Variants in DTWD2 observed in about 807,000 individuals in gnomAD.
The protein encoded by DTWD2 is tRNA-uridine aminocarboxypropyltransferase 2.
Under a neutral mutation model 31.8 loss-of-function variants are expected in DTWD2, and 39 were observed. The observed-to-expected ratio is 1.22, with a 90% CI of 0.95 to 1.60. DTWD2 has a LOEUF of 1.60. DTWD2 is among the 40% of genes most tolerant of loss of function. DTWD2 has a pLI of 0.00. For missense variants in DTWD2, 515 were observed against 381.5 expected, an observed-to-expected ratio of 1.35 and a Z score of -2.92; for synonymous variants, 180 against 142.8, an observed-to-expected ratio of 1.26 and a Z score of -1.86.
chr5:118,893,025 T>A (rs555710099), intron 4 of DTWD2, among the ~76,000 whole-genome samples: 61 of 150,524 alleles, frequency 4.1e-4, no homozygotes, highest in Middle Eastern at 3.4e-3. Flanking sequence ...AAGTTAAAAA[T>A]ATATATATAT....
At chr5:118,941,014 T>C (rs966824222) in intron 2 of DTWD2, among the ~76,000 whole-genome samples, 12 of 152,304 alleles carry the variant, frequency 7.9e-5, no homozygotes, top group East Asian at 1.9e-4. Flanking sequence ...TAATTTTACA[T>C]GTATGTATAC....
intron 4 of DTWD2, among the ~76,000 whole-genome samples, chr5:118,885,795 T>A (rs1752850719): frequency 6.6e-6 from 1 of 150,714 alleles, no homozygotes; most frequent in Non-Finnish European, 1.5e-5. Context: ...TAATAAAAAA[T>A]AAATATAAAA....
intron 1 of DTWD2, among the ~76,000 whole-genome samples, chr5:118,947,780 G>A (rs1301879739): frequency 2.0e-5 from 3 of 152,068 alleles, no homozygotes; most frequent in Admixed American, 2.0e-4. Flanking sequence ...GGGATTACAG[G>A]CATGAGCCAC....
chr5:118,957,870 T>C (rs1754621732), intron 1 of DTWD2, among the ~76,000 whole-genome samples: 1 of 152,242 alleles, frequency 6.6e-6, no homozygotes, highest in Non-Finnish European at 1.5e-5. Context: ...CTATCATTAC[T>C]GACCAAAACA....
At chr5:118,906,619 T>C (rs1753338384) in intron 4 of DTWD2, among the ~76,000 whole-genome samples, 1 of 152,206 alleles carries the variant, frequency 6.6e-6, no homozygotes, top group Non-Finnish European at 1.5e-5. Flanking sequence ...ATTATATTTA[T>C]ATAAAATTCC....
intron 4 of DTWD2, among the ~76,000 whole-genome samples, chr5:118,855,877 C>A (rs1287539497): frequency 6.6e-6 from 1 of 152,060 alleles, no homozygotes; most frequent in Non-Finnish European, 1.5e-5. Context: ...AAGGTATTTA[C>A]TTTTACAACA....
At chr5:118,882,175 G>T (rs1752756392) in intron 4 of DTWD2, among the ~76,000 whole-genome samples, 1 of 152,146 alleles carries the variant, frequency 6.6e-6, no homozygotes, top group South Asian at 2.1e-4. Context: ...GGGACCACAG[G>T]CCGCATGCAA....
chr5:118,925,931 T>C (rs1297944638), intron 4 of DTWD2, among the ~76,000 whole-genome samples: 2 of 151,884 alleles, frequency 1.3e-5, no homozygotes, highest in Admixed American at 6.6e-5. Flanking sequence ...TAAGTCATTA[T>C]ATGAAAAAAA....
chr5:118,927,667 G>GT (rs1753839430), intron 4 of DTWD2, among the ~76,000 whole-genome samples: 2 of 152,140 alleles, frequency 1.3e-5, no homozygotes, highest in South Asian at 4.1e-4. Context: ...AAATATAAAA[G>GT]TTATTAAAAA....
intron 4 of DTWD2, among the ~76,000 whole-genome samples, chr5:118,849,638 A>G (rs966952655): frequency 6.6e-6 from 1 of 152,234 alleles, no homozygotes; most frequent in Non-Finnish European, 1.5e-5. Context: ...AATGCCTATC[A>G]ATGACAGACT....
intron 1 of DTWD2, among the ~76,000 whole-genome samples, chr5:118,969,465 G>T (rs1456722821): frequency 6.6e-6 from 1 of 152,180 alleles, no homozygotes; most frequent in Non-Finnish European, 1.5e-5. Flanking sequence ...ACAAAGCTCC[G>T]AGAAGAAAGA....
Position 118,848,193 on chromosome 5 carries a change from C to T in DTWD2, c.623G>A (p.Ser208Asn). Residue 208 changes from serine to asparagine, a missense_variant, in exon 5 of 6, where the codon AGT becomes AAT. Coordinates refer to ENST00000510708, the MANE Select transcript of DTWD2 (RefSeq NM_173666.4). ...KQVQLKTSIS[S>N]QYVIRMQPTN... ...CGGCTGCATCCGAATTACATACTGACTAGAAATGCTAGTTTTTAATTGCAC... is the reference window on the plus strand; with the variant it reads ...CGGCTGCATCCGAATTACATACTGATTAGAAATGCTAGTTTTTAATTGCAC... 6.2e-7 allele frequency: 1 copy of T among 1,601,066 alleles called. No individual in the cohort carries two copies. Among genetic ancestry groups the T allele is most frequent in the Non-Finnish European group, 8.5e-7 (1 of 1,174,880 alleles).
intron 4 of DTWD2, among the ~76,000 whole-genome samples, chr5:118,916,441 G>A (rs1157444356): frequency 1.3e-5 from 2 of 152,106 alleles, no homozygotes; most frequent in Non-Finnish European, 2.9e-5. Context: ...CAAGGTGGGT[G>A]GATCACCTGA....
At chr5:118,979,365 G>C (rs1755240818) in intron 1 of DTWD2, among the ~76,000 whole-genome samples, 1 of 152,036 alleles carries the variant, frequency 6.6e-6, no homozygotes, top group African/African-American at 2.4e-5. Flanking sequence ...ACAGATGCTG[G>C]TGAGGTTGTG....
rs1294317711 is a variant in DTWD2, at chr5:118,837,363, C to A, written c.*3554G>T. The A allele has an allele frequency of 6.6e-6, 1 of 152,242 alleles. No individual in the cohort carries two copies. Among genetic ancestry groups the A allele is most frequent in the East Asian group, 1.9e-4 (1 of 5,184 alleles). The allele number at this position is 152,242 out of a possible 1,614,324, so 9.4% of individuals were successfully genotyped here. A position where few individuals can be genotyped will look rare whatever the true frequency, so the allele number is the denominator to read the frequency against. ...TTATTCATAAAAATATCCATCCATA[C>A]CTATTTTAAAGAAATACATCTACAT... On this transcript the variant is annotated 3_prime_UTR_variant, in exon 6 of 6. Transcript: ENST00000510708.
At chr5:118,850,887 T>C (rs924418262) in intron 4 of DTWD2, among the ~76,000 whole-genome samples, 3 of 152,078 alleles carry the variant, frequency 2.0e-5, no homozygotes, top group African/African-American at 7.2e-5. Context: ...AAAGAGGACA[T>C]ACATGTGGCC....
At chr5:118,902,600 T>G (rs574667874) in intron 4 of DTWD2, among the ~76,000 whole-genome samples, 1 of 152,270 alleles carries the variant, frequency 6.6e-6, no homozygotes, top group South Asian at 2.1e-4. Flanking sequence ...TTAAAGTTTC[T>G]GATCAATGTA....
At chr5:118,951,460 A>G (rs893371328) in intron 1 of DTWD2, among the ~76,000 whole-genome samples, 4 of 152,160 alleles carry the variant, frequency 2.6e-5, no homozygotes, top group African/African-American at 4.8e-5. Flanking sequence ...CTGATGTGAA[A>G]AAGAATGCCT....
At chr5:118,971,263 A>G (rs1754980934) in intron 1 of DTWD2, among the ~76,000 whole-genome samples, 1 of 152,200 alleles carries the variant, frequency 6.6e-6, no homozygotes, top group African/African-American at 2.4e-5. Flanking sequence ...AGACACATAT[A>G]ACCTCAAAAT....
Sources: gnomAD v4.1 joint callset for allele counts (sites outside exome capture counted in the v4.1 genomes callset) on GRCh38, gnomAD v4.1.1 for gene constraint, MANE v1.5 for transcripts, NCBI Gene and HGNC (gene_info 2026-07-23, HGNC 2026-07-21) for gene names.